TAFA1: variants seen among roughly 807,000 people sequenced by gnomAD.
The protein encoded by TAFA1 is TAFA chemokine like family member 1.
A neutral mutation model predicts 18.5 loss-of-function variants in TAFA1; 4 were observed. The observed-to-expected ratio is 0.22, with a 90% CI of 0.11 to 0.49. TAFA1 has a LOEUF of 0.49. Ranked by LOEUF, TAFA1 falls within the 20% of genes least tolerant of loss-of-function variation. TAFA1 has a pLI of 0.98. For synonymous variants in TAFA1, 56 were observed against 55.2 expected (o/e 1.01, Z -0.06); for missense variants, 147 against 169.0 (o/e 0.87, Z 0.72).
In TAFA1 at chr3:68,134,302, C is replaced by T. The variant is rs375452363; in HGVS notation, c.118+127558C>T. The stretch of plus-strand genomic sequence containing the variant: ...AAAAGAGGTTAAATCAGGAGACCAA[C>T]GCTCAAGTCACATTCAAATTCTTAA... On this transcript the variant is annotated intron_variant, in intron 2 of 4. Transcript: ENST00000478136. Among the ~76,000 whole-genome samples, 43 of 152,156 alleles carry T rather than the reference C, an allele frequency of 2.8e-4. No homozygotes were observed. The South Asian group carries it at 6.4e-3, about 23-fold the overall frequency.
intron 2 of TAFA1, among the ~76,000 whole-genome samples, chr3:68,379,543 G>A (rs2069888732): frequency 1.3e-5 from 2 of 152,078 alleles, no homozygotes; most frequent in South Asian, 2.1e-4. Flanking sequence ...ATTGCTTTTG[G>A]CATCTACATC....
chr3:68,118,071 C>T (rs114461280), intron 2 of TAFA1, among the ~76,000 whole-genome samples: 2,007 of 152,148 alleles, frequency 0.013, 47 homozygotes, highest in African/African-American at 0.046. Flanking sequence ...ATGATTCAAG[C>T]GCATTACATT....
chr3:67,999,181 C>A, the TAFA1 span, among the ~76,000 whole-genome samples: 1 of 151,864 alleles, frequency 6.6e-6, no homozygotes, highest in Non-Finnish European at 1.5e-5. Flanking sequence ...TAGTGGCTAC[C>A]ATATTAGCCA....
intron 3 of TAFA1, among the ~76,000 whole-genome samples, chr3:68,493,976 G>T (rs1376799043): frequency 1.3e-5 from 2 of 152,062 alleles, no homozygotes; most frequent in Non-Finnish European, 2.9e-5. Context: ...GATCTTACTT[G>T]CTGTGCTTGC....
chr3:68,190,686 G>A (rs564869307), intron 2 of TAFA1, among the ~76,000 whole-genome samples: 15 of 151,846 alleles, frequency 9.9e-5, no homozygotes, highest in South Asian at 2.1e-4. Context: ...TTCTTATGGC[G>A]GTAAATAAAG....
At chr3:68,122,424 A>G (rs936650361) in intron 2 of TAFA1, among the ~76,000 whole-genome samples, 1 of 151,806 alleles carries the variant, frequency 6.6e-6, no homozygotes, top group Non-Finnish European at 1.5e-5. Flanking sequence ...AAATAATCAC[A>G]TGTGTTCTAG....
At chr3:68,140,754 T>C (rs1351316710) in intron 2 of TAFA1, among the ~76,000 whole-genome samples, 1 of 152,228 alleles carries the variant, frequency 6.6e-6, no homozygotes, top group Non-Finnish European at 1.5e-5. Context: ...TAGTCAGTAT[T>C]AAACTTATCT....
chr3:68,272,046 G>T (rs777811526), intron 2 of TAFA1, among the ~76,000 whole-genome samples: 1 of 152,182 alleles, frequency 6.6e-6, no homozygotes, highest in Non-Finnish European at 1.5e-5. Context: ...TTATGGCAAT[G>T]TATGTGGAGA....
intron 3 of TAFA1, among the ~76,000 whole-genome samples, chr3:68,499,181 C>T (rs934452895): frequency 7.9e-5 from 12 of 151,866 alleles, no homozygotes; most frequent in African/African-American, 2.9e-4. Flanking sequence ...CTAAACAACT[C>T]ATTTTGTTTG....
chr3:68,287,620 T>C (rs540235121), intron 2 of TAFA1, among the ~76,000 whole-genome samples: 1 of 152,258 alleles, frequency 6.6e-6, no homozygotes, highest in Non-Finnish European at 1.5e-5. Flanking sequence ...GCATCATTTC[T>C]CCTCCCAATG....
chr3:68,385,200 G>A (rs755333000), intron 2 of TAFA1, among the ~76,000 whole-genome samples: 27 of 152,086 alleles, frequency 1.8e-4, no homozygotes, highest in Non-Finnish European at 3.4e-4. Context: ...ATGAGATAAT[G>A]TAGCATCTAG....
At chr3:68,211,488 G>A (rs1213032849) in intron 2 of TAFA1, among the ~76,000 whole-genome samples, 1 of 151,916 alleles carries the variant, frequency 6.6e-6, no homozygotes, top group African/African-American at 2.4e-5. Flanking sequence ...TCACCCTTCT[G>A]GGTACCAAAA....
intron 3 of TAFA1, among the ~76,000 whole-genome samples, chr3:68,445,895 G>T (rs1456996405): frequency 2.0e-5 from 3 of 152,022 alleles, no homozygotes; most frequent in African/African-American, 7.2e-5. Flanking sequence ...GTTGTTGTTT[G>T]TTTGTTATTT....
At chr3:68,045,350 A>G (rs537876921) in intron 2 of TAFA1, among the ~76,000 whole-genome samples, 1 of 152,290 alleles carries the variant, frequency 6.6e-6, no homozygotes, top group Non-Finnish European at 1.5e-5. Context: ...GGGGCATTAC[A>G]TTTTCTTTTG....
chr3:68,355,417 C>T (rs1219506876), intron 2 of TAFA1, among the ~76,000 whole-genome samples: 2 of 151,920 alleles, frequency 1.3e-5, no homozygotes, highest in East Asian at 3.9e-4. Flanking sequence ...GTTCCCTTTT[C>T]ATAAAATTGG....
chr3:68,426,537 A>G (rs912692359), intron 3 of TAFA1, among the ~76,000 whole-genome samples: 9 of 151,954 alleles, frequency 5.9e-5, no homozygotes, highest in Non-Finnish European at 1.0e-4. Context: ...CACATGAAGA[A>G]ATGTAAATTA....
At chr3:68,262,323 A>T (rs1257507046) in intron 2 of TAFA1, among the ~76,000 whole-genome samples, 2 of 64,048 alleles carry the variant, frequency 3.1e-5, no homozygotes, top group African/African-American at 6.3e-5. Flanking sequence ...ATATATATAT[A>T]TATATATATA....
At position 68,538,955 on chromosome 3, in the gene TAFA1, T is replaced by G. The variant is rs3749217; in HGVS notation, c.384+75T>G. 2.7e-6 allele frequency: 4 copies of G among 1,481,804 alleles called. No individual in the cohort carries two copies. In the Admixed American group the frequency reaches 7.4e-5, roughly 27 times the overall value. 91.8% of individuals were successfully genotyped at this position (1,481,804 alleles called of 1,614,324 possible). ...TTGAGTTTGTGCTGTGCAAACAGCA[T>G]CCACAGAAGCTTTGCACAGGAGAGA... On this transcript the variant is annotated intron_variant, in intron 4 of 4. Transcript: ENST00000478136.
At chr3:68,291,121 C>G (rs1469005988) in intron 2 of TAFA1, among the ~76,000 whole-genome samples, 2 of 152,046 alleles carry the variant, frequency 1.3e-5, no homozygotes, top group African/African-American at 4.8e-5. Context: ...GTTCTATGCA[C>G]CTCAGTTATG....
Sources: allele counts gnomAD v4.1 joint callset (sites outside exome capture counted in the v4.1 genomes callset), GRCh38; gene constraint gnomAD v4.1.1; transcripts MANE v1.5; gene names NCBI Gene and HGNC (gene_info 2026-07-23, HGNC 2026-07-21).